Variants in DOCK8 observed in about 807,000 individuals in gnomAD.
DOCK8 encodes dedicator of cytokinesis 8.
A neutral mutation model predicts 245.6 loss-of-function variants in DOCK8; 141 were observed. The ratio of observed to expected loss-of-function variants is 0.57; its 90% CI spans 0.50 to 0.66. DOCK8 has a LOEUF of 0.66. Among genes scored for constraint, DOCK8 ranks in the 30% least tolerant of loss-of-function variants. The probability of loss-of-function intolerance (pLI) is 0.00; values close to 1 mark genes in which losing one functional copy is unlikely to be tolerated. For synonymous variants in DOCK8, 1,168 were observed against 970.2 expected (o/e 1.20, Z -3.79); for missense variants, 2,965 against 2,603.4 (o/e 1.14, Z -3.02).
chr9:331,487 A>G lies in DOCK8; in HGVS notation c.1045-911A>G, dbSNP rs995475621. Among the ~76,000 whole-genome samples the G allele has an allele frequency of 6.6e-5, 10 of 152,328 alleles. No individual in the cohort carries two copies. In the East Asian group the frequency reaches 1.9e-3, roughly 29 times the overall value. On this transcript the variant is annotated intron_variant, in intron 9 of 47. Transcript: ENST00000432829. The stretch of plus-strand genomic sequence containing the variant: ...GGGTATTGTTAAATACTTTGTGCCT[A>G]ACTCACAGCACCTATTAAGTATGTG...
Position 386,390 on chromosome 9 carries a change from A to T in DOCK8, c.2838A>T (p.Pro946=), listed in dbSNP as rs2053951984. ...SYYCSGSSDA[P]SSPAAPRPAS... is the part of the protein sequence containing the mutation. Reference sequence around the variant, plus strand: ...ATTGCTCTGGCAGTAGTGATGCTCCAAGTTCACCTGCAGCCCCAAGGCCAG... The same window carrying T: ...ATTGCTCTGGCAGTAGTGATGCTCCTAGTTCACCTGCAGCCCCAAGGCCAG... The change falls in exon 23 of 48, where the codon CCA becomes CCT. Residue 946 remains proline, a synonymous_variant. Coordinates refer to ENST00000432829, the MANE Select transcript of DOCK8 (RefSeq NM_203447.4). The T allele has an allele frequency of 6.2e-7, 1 of 1,613,954 alleles. No individual in the cohort carries two copies. Among genetic ancestry groups the T allele is most frequent in the Non-Finnish European group, 8.5e-7 (1 of 1,179,888 alleles).
Position 341,645 on chromosome 9 carries a change from G to A in DOCK8, c.1679+1324G>A, listed in dbSNP as rs537176940. Among the ~76,000 whole-genome samples, 8 of 152,096 alleles carry A rather than the reference G, an allele frequency of 5.3e-5. No individual in the cohort carries two copies. In the South Asian group the frequency reaches 1.5e-3, roughly 28 times the overall value. The stretch of plus-strand genomic sequence containing the variant: ...CACACTTACACACACATCTGTGAAC[G>A]CTCAATGGCATTATCTTCATATTCA... On this transcript the variant is annotated intron_variant, in intron 14 of 47. Coordinates refer to ENST00000432829, the MANE Select transcript of DOCK8 (RefSeq NM_203447.4).
chr9:257,282 TA>T (rs2047800267), intron 1 of DOCK8, among the ~76,000 whole-genome samples: 1 of 152,202 alleles, frequency 6.6e-6, no homozygotes, highest in Non-Finnish European at 1.5e-5. Context: ...CAGGTATCAT[TA>T]AATGGATGTC....
chr9:222,157 G>A (rs1433295207), intron 1 of DOCK8, among the ~76,000 whole-genome samples: 1 of 151,976 alleles, frequency 6.6e-6, no homozygotes, highest in Middle Eastern at 3.2e-3. Context: ...CAGCTACATA[G>A]AAGGCTGAGG....
At chr9:262,017 AAGAAAGAAAGAAAG>A (rs2047929730) in intron 1 of DOCK8, among the ~76,000 whole-genome samples, 1 of 150,378 alleles carries the variant, frequency 6.6e-6, no homozygotes, top group Admixed American at 6.6e-5. Flanking sequence ...GAAAGAAAGA[AAGAAAGAAAGAAAG>A]AAAGACACCG....
chr9:369,932 G>A, intron 15 of DOCK8: 1 of 402,314 alleles, frequency 2.5e-6, no homozygotes, highest in Non-Finnish European at 4.7e-6. Flanking sequence ...CCCCTGAGTA[G>A]CAGGGACTAT....
upstream of DOCK8, chr9:214,429 G>C (rs1447646277): frequency 1.2e-5 from 18 of 1,442,656 alleles, no homozygotes; most frequent in East Asian, 4.7e-5. Flanking sequence ...TTTGAATCCT[G>C]ATAGATTCCA....
intron 14 of DOCK8, among the ~76,000 whole-genome samples, chr9:363,511 G>C (rs2052831357): frequency 6.6e-6 from 1 of 152,162 alleles, no homozygotes; most frequent in South Asian, 2.1e-4. Context: ...TTATTCTCTT[G>C]TATTCGTTTC....
intron 1 of DOCK8, among the ~76,000 whole-genome samples, chr9:234,174 A>G (rs1369585627): frequency 6.6e-6 from 1 of 152,214 alleles, no homozygotes; most frequent in African/African-American, 2.4e-5. Flanking sequence ...TTGGCTGGAT[A>G]TGAAATTCTG....
At chr9:400,252 AT>A (rs2054803489) in intron 26 of DOCK8, among the ~76,000 whole-genome samples, 3 of 97,502 alleles carry the variant, frequency 3.1e-5, no homozygotes, top group Admixed American at 1.0e-4. Context: ...CACCTCCACC[AT>A]CACCACCACC....
rs545333019 is a variant in DOCK8, at chr9:338,807, G to A, written c.1423-199G>A. On this transcript the variant is annotated intron_variant, in intron 12 of 47. Transcript: ENST00000432829. The stretch of plus-strand genomic sequence containing the variant: ...TCCCCAGAAGGACTGATAAGAGGCC[G>A]AGGCACAGTGAGTCACAGTGATTGA... 2.0e-4 allele frequency among the ~76,000 whole-genome samples: 31 copies of A among 152,282 alleles called. 4 individuals are homozygous for A. Among genetic ancestry groups the A allele is most frequent in the African/African-American group, 7.5e-4 (31 of 41,554 alleles).
chr9:242,632 C>T (rs1214448931), intron 1 of DOCK8, among the ~76,000 whole-genome samples: 5 of 152,130 alleles, frequency 3.3e-5, no homozygotes, highest in African/African-American at 1.2e-4. Context: ...AAACTGAGTA[C>T]GGTTATGCAG....
chr9:429,266 C>T (rs986484660), intron 35 of DOCK8, among the ~76,000 whole-genome samples: 3 of 152,214 alleles, frequency 2.0e-5, no homozygotes, highest in Non-Finnish European at 2.9e-5. Flanking sequence ...CGTTCCTGGC[C>T]TATTTTTCCC....
chr9:441,228 CTCT>C, intron 40 of DOCK8, 55 bp from the exon 41 acceptor site: 2 of 1,610,170 alleles, frequency 1.2e-6, no homozygotes, highest in Middle Eastern at 1.7e-4. Context: ...CCTCTGGTTG[CTCT>C]TCTTAAGTTT....
At chr9:376,058 G>A (rs1005754780) in intron 18 of DOCK8, 152 bp from the exon 19 acceptor site, 3 of 677,864 alleles carry the variant, frequency 4.4e-6, no homozygotes, top group Non-Finnish European at 7.9e-6. Flanking sequence ...TTGAATCCAG[G>A]GCTCCTGACT....
chr9:285,157 C>T lies in DOCK8; in HGVS notation c.157-1304C>T, dbSNP rs188064457. On this transcript the variant is annotated intron_variant, in intron 2 of 47. Transcript: ENST00000432829. Reference sequence around the variant, plus strand: ...TGCCTAATTTGCAGCTTCATCCTCACTCCCTAACTTACGCCACTCATGTCT... The same window carrying T: ...TGCCTAATTTGCAGCTTCATCCTCATTCCCTAACTTACGCCACTCATGTCT... Among the ~76,000 whole-genome samples, 160 of 152,282 alleles carry T rather than the reference C, an allele frequency of 1.1e-3. 3 individuals are homozygous for T. Among genetic ancestry groups the T allele is most frequent in the Non-Finnish European group, 3.2e-4 (22 of 68,028 alleles).
chr9:306,863 A>G (rs2049856176), intron 5 of DOCK8, among the ~76,000 whole-genome samples: 2 of 152,208 alleles, frequency 1.3e-5, no homozygotes, highest in South Asian at 4.1e-4. Flanking sequence ...CCTGAGAGCA[A>G]GGACTGAAAT....
At chr9:214,007 T>G (rs572557265), upstream of DOCK8, 183 of 153,976 alleles carry the variant, frequency 1.2e-3, 1 homozygote, top group Non-Finnish European at 1.2e-3. Flanking sequence ...ATCACAGGCG[T>G]GAGCCACCGC....
intron 7 of DOCK8, among the ~76,000 whole-genome samples, chr9:325,185 T>G (rs1351101410): frequency 6.6e-6 from 1 of 152,252 alleles, no homozygotes; most frequent in African/African-American, 2.4e-5. Flanking sequence ...CCATAGTGTA[T>G]AGATACCACA....
Sources: allele counts gnomAD v4.1 joint callset (sites outside exome capture counted in the v4.1 genomes callset), GRCh38; gene constraint gnomAD v4.1.1; transcripts MANE v1.5; gene names NCBI Gene and HGNC (gene_info 2026-07-23, HGNC 2026-07-21).